The following PIGB variants were observed in gnomAD, a reference collection of about 807,000 sequenced individuals.
The protein encoded by PIGB is GPI alpha-1,2-mannosyltransferase 3.
In PIGB, 58 loss-of-function variants were observed where a neutral mutation model predicts 68.4. The observed-to-expected ratio is 0.85, with a 90% CI of 0.69 to 1.06. The LOEUF is 1.06. Among genes scored for constraint, PIGB ranks in the 50% least tolerant of loss-of-function variants. The pLI is 0.00. For synonymous variants in PIGB, 219 were observed against 220.5 expected, an observed-to-expected ratio of 0.99 and a Z score of 0.06; for missense variants, 634 against 655.8, an observed-to-expected ratio of 0.97 and a Z score of 0.36.
chr15:55,325,952 G>T (rs2055273494), intron 3 of PIGB, among the ~76,000 whole-genome samples: 1 of 151,938 alleles, frequency 6.6e-6, no homozygotes, highest in Admixed American at 6.6e-5. Flanking sequence ...ATCCTAGCAC[G>T]TTGGGAGGCC....
Position 55,321,321 on chromosome 15 carries a change from T to A in PIGB, c.348T>A (p.Thr116=). 1 of 1,607,490 alleles carries A rather than the reference T, an allele frequency of 6.2e-7. No individual in the cohort carries two copies. The highest frequency in any genetic ancestry group is 8.5e-7 in the Non-Finnish European group (1 of 1,175,222). ...WEWTERLRSY[T]YPLIFASIYK... is the part of the protein sequence containing the mutation. ...GGACAGAGAGACTGAGGAGTTACAC[T>A]TATCCCTTAATCTTTGCAAGCATTT... The change falls in exon 3 of 12, where the codon ACT becomes ACA. Residue 116 remains threonine, a synonymous_variant. Transcript: ENST00000164305.
intron 7 of PIGB, among the ~76,000 whole-genome samples, chr15:55,339,647 A>C (rs552384183): frequency 4.9e-4 from 74 of 152,356 alleles, no homozygotes; most frequent in African/African-American, 1.7e-3. Context: ...GTAATATGTC[A>C]CATTGTAAAG....
intron 11 of PIGB, 151 bp from the exon 12 acceptor site, chr15:55,355,135 T>C: frequency 1.1e-6 from 1 of 883,070 alleles, no homozygotes; most frequent in Non-Finnish European, 1.7e-6. Flanking sequence ...CCCAGTTCTG[T>C]AACTATCAAA....
chr15:55,354,589 T>C (rs2056027406), intron 10 of PIGB: 2 of 504,136 alleles, frequency 4.0e-6, no homozygotes, highest in Non-Finnish European at 3.4e-6. Flanking sequence ...TTATAGGTTA[T>C]ACTGCTGCTG....
At chr15:55,320,110 G>A (rs2141156552) in intron 1 of PIGB, 165 bp from the exon 2 acceptor site, 1 of 478,800 alleles carries the variant, frequency 2.1e-6, no homozygotes, top group African/African-American at 1.9e-5. Context: ...TGATGACGCT[G>A]TGGTGCTTGT....
intron 5 of PIGB, among the ~76,000 whole-genome samples, chr15:55,332,341 C>A (rs2055435458): frequency 6.6e-6 from 1 of 151,746 alleles, no homozygotes. Context: ...GAGCTTACAT[C>A]CTCATCAACA....
At chr15:55,338,882 T>C (rs1485900585) in intron 6 of PIGB, among the ~76,000 whole-genome samples, 1 of 152,160 alleles carries the variant, frequency 6.6e-6, no homozygotes, top group Non-Finnish European at 1.5e-5. Context: ...TAGCCCCTGC[T>C]AAGAGCTTGA....
At chr15:55,351,640 G>A (rs2055923653) in intron 10 of PIGB, 1 of 151,562 alleles carries the variant, frequency 6.6e-6, no homozygotes, top group Non-Finnish European at 1.5e-5. Flanking sequence ...GGGAGGCCGA[G>A]GCGGGTGGAT....
At chr15:55,323,261 G>C (rs1478703755) in intron 3 of PIGB, among the ~76,000 whole-genome samples, 1 of 152,156 alleles carries the variant, frequency 6.6e-6, no homozygotes, top group Non-Finnish European at 1.5e-5. Context: ...CAGAACTAGA[G>C]CTAAATCCCA....
chr15:55,340,535 T>A lies in PIGB; in HGVS notation c.847-77T>A, dbSNP rs867101035. On this transcript the variant is annotated intron_variant, in intron 7 of 11. Transcript: ENST00000164305. ...TTCAATTCTGATTTAATGTCAAAAT[T>A]GTATCAATCCCCTAATGCCAAAGAT... 1.2e-5 allele frequency: 10 copies of A among 843,860 alleles called. No homozygotes were observed. The African/African-American group carries it at 1.2e-4, about 10-fold the overall frequency. The allele number at this position is 843,860 out of a possible 1,614,324, so 52.3% of individuals were successfully genotyped here.
At chr15:55,332,644 A>C (rs534011903) in intron 5 of PIGB, among the ~76,000 whole-genome samples, 32 of 152,318 alleles carry the variant, frequency 2.1e-4, no homozygotes, top group Non-Finnish European at 3.5e-4. Flanking sequence ...AAGTGCTGGG[A>C]TTGCAGGCCT....
At position 55,319,266 on chromosome 15, in the gene PIGB, A is replaced by C. The variant is rs756003916; in HGVS notation, c.16A>C (p.Ser6Arg). 1.2e-6 allele frequency: 2 copies of C among 1,607,286 alleles called. No individual in the cohort carries two copies. The highest frequency in any genetic ancestry group is 1.3e-5 in the African/African-American group (1 of 74,972). The change falls in exon 1 of 12, where the codon AGC (serine) becomes CGC (arginine). Residue 6 changes from serine to arginine, a missense_variant. By Grantham distance (110) the Ser-to-Arg change is moderately radical (BLOSUM62 -1). Transcript: ENST00000164305. MRRPL[S>R]KCGMEPGGGD... is the part of the protein sequence containing the mutation. ...GCGGCCAGGGATGAGGAGGCCCCTA[A>C]GCAAGTGCGGAATGGAGCCGGGGGG...
chr15:55,349,339 C>G (rs2055873969), intron 9 of PIGB, among the ~76,000 whole-genome samples: 1 of 151,782 alleles, frequency 6.6e-6, no homozygotes, highest in Admixed American at 6.6e-5. Flanking sequence ...CGCACTATCA[C>G]GCCTGGCTAA....
chr15:55,355,308 C>T lies in PIGB; in HGVS notation c.1541C>T (p.Ser514Leu). 1 of 1,609,428 alleles carries T rather than the reference C, an allele frequency of 6.2e-7. No homozygotes were observed. Among genetic ancestry groups the T allele is most frequent in the Non-Finnish European group, 8.5e-7 (1 of 1,177,342 alleles). ...LEEEISAFLI[S>L]SNYKRTAVFF... is the part of the protein sequence containing the mutation. ...TAGGAAATAAGCGCTTTCCTAATTT[C>T]AAGCAATTATAAAAGAACTGCTGTT... The change falls in exon 12 of 12, where the codon TCA becomes TTA. Residue 514 changes from serine to leucine, a missense_variant. By Grantham distance (145) the Ser-to-Leu change is moderately radical (BLOSUM62 -2). Transcript: ENST00000164305.
chr15:55,320,058 G>T, intron 1 of PIGB: 1 of 381,492 alleles, frequency 2.6e-6, no homozygotes, highest in African/African-American at 2.0e-5. Context: ...ACAATAAGTT[G>T]CAAGAAAAGT....
chr15:55,330,001 A>G, intron 5 of PIGB, 147 bp downstream of exon 5: 1 of 570,828 alleles, frequency 1.8e-6, no homozygotes, highest in Non-Finnish European at 3.1e-6. Flanking sequence ...ATAGCAGAAA[A>G]CAGATAATAC....
At chr15:55,347,322 A>G (rs1283332012) in intron 9 of PIGB, among the ~76,000 whole-genome samples, 1 of 152,202 alleles carries the variant, frequency 6.6e-6, no homozygotes, top group African/African-American at 2.4e-5. Flanking sequence ...GCTACCCAGG[A>G]GGCTAAGGCA....
intron 3 of PIGB, among the ~76,000 whole-genome samples, chr15:55,324,475 A>C (rs537275077): frequency 6.6e-6 from 1 of 152,324 alleles, no homozygotes; most frequent in South Asian, 2.1e-4. Flanking sequence ...TTTAAATTCA[A>C]GATTTCTACT....
rs150590429 is a variant in PIGB at position 55,323,235 on chromosome 15, CACA to C, written c.417+1848_417+1850del. On this transcript the variant is annotated intron_variant, in intron 3 of 11. Coordinates refer to ENST00000164305, the MANE Select transcript of PIGB (RefSeq NM_004855.5). ...AGAAGTGAAGTAAATAGACCAAGGT[CACA>C]ACGTGTTAAAAGCAGAACTAGAGCT... Among the ~76,000 whole-genome samples the C allele has an allele frequency of 4.1e-3, 623 of 152,236 alleles. 1 individual carries two copies. Among genetic ancestry groups the C allele is most frequent in the African/African-American group, 0.014 (584 of 41,524 alleles).
Sources: allele counts gnomAD v4.1 joint callset (sites outside exome capture counted in the v4.1 genomes callset), GRCh38; gene constraint gnomAD v4.1.1; transcripts MANE v1.5; gene names NCBI Gene and HGNC (gene_info 2026-07-23, HGNC 2026-07-21).